Variants in CENPO observed in about 807,000 individuals in gnomAD.
CENPO encodes the protein centromeric protein O.
In CENPO, 30 loss-of-function variants were observed where a neutral mutation model predicts 36.1. The ratio of observed to expected loss-of-function variants is 0.83; its 90% confidence interval spans 0.62 to 1.13. The LOEUF is 1.13. CENPO is among the 50% of genes most tolerant of loss of function. CENPO has a pLI of 0.00. For synonymous variants in CENPO, 171 were observed against 142.3 expected (o/e 1.20, Z -1.44); for missense variants, 349 against 357.8 (o/e 0.98, Z 0.20).
chr2:24,820,614 G>GACTT lies in CENPO; in HGVS notation c.*1300_*1303dup. On this transcript the variant is annotated 3_prime_UTR_variant, in exon 8 of 8. Transcript: ENST00000380834. Reference sequence around the variant, plus strand: ...CACTTGCCCCACGTCTCTGCCTCTGGACTTACTGTTCAGGGCCAGGGTGGG... The same window carrying GACTT: ...CACTTGCCCCACGTCTCTGCCTCTGGACTTACTTACTGTTCAGGGCCAGGGTGGG... 4 of 1,538,024 alleles carry GACTT rather than the reference G, an allele frequency of 2.6e-6. No individual in the cohort carries two copies. Among genetic ancestry groups the GACTT allele is most frequent in the Non-Finnish European group, 2.6e-6 (3 of 1,134,054 alleles).
In CENPO at chr2:24,817,837, C is replaced by T. The variant is rs755540749; in HGVS notation, c.*31C>T. On this transcript the variant is annotated 3_prime_UTR_variant, in exon 7 of 8. Transcript: ENST00000380834. ...TGTTTTCACTGCACTGGGAGCACAT[C>T]AGAGGTAAGTAACCAGTACTGAAGA... 9 of 1,613,364 alleles carry T rather than the reference C, an allele frequency of 5.6e-6. No homozygotes were observed. Among genetic ancestry groups the T allele is most frequent in the Non-Finnish European group, 7.6e-6 (9 of 1,179,752 alleles).
chr2:24,811,750 T>C (rs1666701457), intron 3 of CENPO, among the ~76,000 whole-genome samples: 1 of 151,968 alleles, frequency 6.6e-6, no homozygotes, highest in Non-Finnish European at 1.5e-5. Context: ...CGTGAGCCAC[T>C]GCGCCCGGCC....
rs547707658 is a variant in CENPO at position 24,810,547 on chromosome 2, G to A, written c.217-3829G>A. 5.4e-5 allele frequency among the ~76,000 whole-genome samples: 7 copies of A among 130,306 alleles called. No homozygotes were observed. In the East Asian group the frequency reaches 1.6e-3, roughly 29 times the overall value. The allele number at this position is 130,306 out of a possible 152,430, so 85.5% of individuals were successfully genotyped here. A position where few individuals can be genotyped will look rare whatever the true frequency, so the allele number is the denominator to read the frequency against. ...TTTGAGATGGAGTTTTGCTCTTGTC[G>A]CCCAGGCTGGAGTGCAATGGTGCCA... On this transcript the variant is annotated intron_variant, in intron 3 of 7. Coordinates refer to ENST00000380834, the MANE Select transcript of CENPO (RefSeq NM_001322101.2).
At chr2:24,794,012 C>A (rs1665765457) in intron 2 of CENPO, 47 bp downstream of exon 2, 1 of 1,455,682 alleles carries the variant, frequency 6.9e-7, no homozygotes, top group Non-Finnish European at 9.7e-7. Flanking sequence ...CCAAAGATGA[C>A]CCGCAGGCTG....
chr2:24,820,469 G>C lies in CENPO; in HGVS notation c.*1151G>C. ...AGACGCCACTGAGACAGATCACAAG[G>C]TATTAGAAGGTTCATACCCAAAGGT... On this transcript the variant is annotated 3_prime_UTR_variant, in exon 8 of 8. Coordinates refer to ENST00000380834, the MANE Select transcript of CENPO (RefSeq NM_001322101.2). 7.2e-7 allele frequency: 1 copy of C among 1,382,130 alleles called. No individual in the cohort carries two copies. The highest frequency in any genetic ancestry group is 9.3e-7 in the Non-Finnish European group (1 of 1,069,770). 85.6% of individuals were successfully genotyped at this position (1,382,130 alleles called of 1,614,324 possible).
At chr2:24,808,461 C>T (rs941790335) in intron 3 of CENPO, among the ~76,000 whole-genome samples, 2 of 152,196 alleles carry the variant, frequency 1.3e-5, no homozygotes, top group African/African-American at 4.8e-5. Flanking sequence ...CTCAGCCTCC[C>T]AAAGTGCTGG....
chr2:24,798,866 A>AT (rs1666032337), intron 2 of CENPO, among the ~76,000 whole-genome samples: 3 of 152,126 alleles, frequency 2.0e-5, no homozygotes, highest in African/African-American at 7.2e-5. Flanking sequence ...ATTCCGTCCC[A>AT]AGGCAAGGAG....
At chr2:24,817,579 C>T (rs1257674689) in intron 6 of CENPO, 91 bp from the exon 7 acceptor site, 3 of 1,532,656 alleles carry the variant, frequency 2.0e-6, no homozygotes, top group Non-Finnish European at 1.8e-6. Flanking sequence ...TCCGATTCCC[C>T]CAGCTGCACT....
intron 6 of CENPO, 31 bp downstream of exon 6, chr2:24,816,848 C>T: frequency 1.3e-6 from 2 of 1,548,806 alleles, no homozygotes; most frequent in Non-Finnish European, 1.7e-6. Flanking sequence ...CAGAAATTCT[C>T]ATATCCCAGT....
At chr2:24,803,019 C>T (rs1666225916) in intron 3 of CENPO, among the ~76,000 whole-genome samples, 1 of 152,160 alleles carries the variant, frequency 6.6e-6, no homozygotes, top group Non-Finnish European at 1.5e-5. Flanking sequence ...TGTTATTGGT[C>T]TATTCAGAGG....
In CENPO at chr2:24,820,251, G is replaced by T; in HGVS notation, c.*933G>T. 1 of 1,205,082 alleles carries T rather than the reference G, an allele frequency of 8.3e-7. No homozygotes were observed. Among genetic ancestry groups the T allele is most frequent in the Non-Finnish European group, 1.1e-6 (1 of 914,354 alleles). 74.6% of individuals were successfully genotyped at this position (1,205,082 alleles called of 1,614,324 possible). A position where few individuals can be genotyped will look rare whatever the true frequency, so the allele number is the denominator to read the frequency against. Reference sequence around the variant, plus strand: ...TACGGGACACTCCCCAAACCTCCCAGGGCCAAGCCCTTCCACCCGTGGCGA... The same window carrying T: ...TACGGGACACTCCCCAAACCTCCCATGGCCAAGCCCTTCCACCCGTGGCGA... On this transcript the variant is annotated 3_prime_UTR_variant, in exon 8 of 8. Coordinates refer to ENST00000380834, the MANE Select transcript of CENPO (RefSeq NM_001322101.2).
intron 2 of CENPO, among the ~76,000 whole-genome samples, chr2:24,797,529 T>G (rs1665959170): frequency 6.6e-6 from 1 of 152,116 alleles, no homozygotes; most frequent in African/African-American, 2.4e-5. Flanking sequence ...TCTGGAAAAT[T>G]TCAGCATTTA....
At position 24,820,116 on chromosome 2, in the gene CENPO, T is replaced by G; in HGVS notation, c.*798T>G. On this transcript the variant is annotated 3_prime_UTR_variant, in exon 8 of 8. Coordinates refer to ENST00000380834, the MANE Select transcript of CENPO (RefSeq NM_001322101.2). ...GATGACTTGGGTTTCTTCTACCACCTGGAGAGGGAGGGGGAGCAAGAACGT... is the reference window on the plus strand; with the variant it reads ...GATGACTTGGGTTTCTTCTACCACCGGGAGAGGGAGGGGGAGCAAGAACGT... 47 of 1,356,160 alleles carry G rather than the reference T, an allele frequency of 3.5e-5. No individual in the cohort carries two copies. Among genetic ancestry groups the G allele is most frequent in the Admixed American group, 1.9e-4 (8 of 41,118 alleles). The allele number at this position is 1,356,160 out of a possible 1,614,324, so 84.0% of individuals were successfully genotyped here.
rs188785249 is a variant in CENPO at position 24,812,382 on chromosome 2, A to G, written c.217-1994A>G. On this transcript the variant is annotated intron_variant, in intron 3 of 7. Coordinates refer to ENST00000380834, the MANE Select transcript of CENPO (RefSeq NM_001322101.2). ...TTTGGTTTTTAGCAATTTTAGATCAATGTGGCTAAGCATGATTTTTTTTTT... is the reference window on the plus strand; with the variant it reads ...TTTGGTTTTTAGCAATTTTAGATCAGTGTGGCTAAGCATGATTTTTTTTTT... Among the ~76,000 whole-genome samples the G allele has an allele frequency of 8.5e-5, 13 of 152,066 alleles. No individual in the cohort carries two copies. The East Asian group carries it at 2.1e-3, about 25-fold the overall frequency.
intron 5 of CENPO, chr2:24,816,051 G>A (rs1666925655): frequency 2.5e-6 from 1 of 392,408 alleles, no homozygotes; most frequent in Non-Finnish European, 4.7e-6. Context: ...GATCCATCAG[G>A]GATTTATGGC....
At chr2:24,817,886 C>T in intron 7 of CENPO, 45 bp downstream of exon 7, 1 of 1,514,300 alleles carries the variant, frequency 6.6e-7, no homozygotes, top group Non-Finnish European at 9.1e-7. Context: ...GTAGTACTGT[C>T]TGATGAAGGG....
chr2:24,821,478 G>A lies in CENPO; in HGVS notation c.*2160G>A. The A allele has an allele frequency of 1.2e-6, 2 of 1,608,818 alleles. No individual in the cohort carries two copies. Among genetic ancestry groups the A allele is most frequent in the Non-Finnish European group, 1.7e-6 (2 of 1,176,896 alleles). ...GGTGGGCCAGGCCCCTGCATGGGAA[G>A]GGAGCCTGCTGCGGGGCAGGCCAGC... On this transcript the variant is annotated 3_prime_UTR_variant, in exon 8 of 8. Transcript: ENST00000380834.
Position 24,820,028 on chromosome 2 carries a change from C to T in CENPO, c.*710C>T. On this transcript the variant is annotated 3_prime_UTR_variant, in exon 8 of 8. Transcript: ENST00000380834. ...GCCCCTTCAAGAAGAAGGTCAGCAG[C>T]TCCCCCTTCCCCTTCACAAAGATGG... is the stretch of plus-strand genomic sequence containing the variant. The T allele has an allele frequency of 6.2e-7, 1 of 1,610,808 alleles. No individual in the cohort carries two copies. The highest frequency in any genetic ancestry group is 8.5e-7 in the Non-Finnish European group (1 of 1,178,544).
In CENPO at chr2:24,820,211, A is replaced by G. The variant is rs892804258; in HGVS notation, c.*893A>G. On this transcript the variant is annotated 3_prime_UTR_variant, in exon 8 of 8. Coordinates refer to ENST00000380834, the MANE Select transcript of CENPO (RefSeq NM_001322101.2). ...GGTGGTTGGAGCCGAGCACTGATCC[A>G]TGGGTCCCAAGCAGTACGGGACACT... 8 of 1,252,968 alleles carry G rather than the reference A, an allele frequency of 6.4e-6. No homozygotes were observed. Among genetic ancestry groups the G allele is most frequent in the African/African-American group, 4.5e-5 (3 of 66,202 alleles). The allele number at this position is 1,252,968 out of a possible 1,614,324, so 77.6% of individuals were successfully genotyped here.
Sources: gnomAD v4.1 joint callset for allele counts (sites outside exome capture counted in the v4.1 genomes callset) on GRCh38, gnomAD v4.1.1 for gene constraint, MANE v1.5 for transcripts, NCBI Gene and HGNC (gene_info 2026-07-23, HGNC 2026-07-21) for gene names.